The following THSD7B variants were observed in gnomAD, a reference collection of about 807,000 sequenced individuals.
THSD7B encodes thrombospondin type 1 domain containing 7B, also known as thrombospondin type-1 domain-containing protein 7B.
In THSD7B, 138 loss-of-function variants were observed where a neutral mutation model predicts 213.6. That is an observed-to-expected ratio of 0.65 (90% confidence interval 0.56 to 0.74). The LOEUF (loss-of-function observed/expected upper bound fraction) is 0.74, where lower values mean the gene tolerates loss of function less well. Among genes scored for constraint, THSD7B ranks in the 30% least tolerant of loss-of-function variants. The pLI, the probability that THSD7B is intolerant of heterozygous loss-of-function variation, is 0.00. For missense variants in THSD7B, 1,931 were observed against 1,991.5 expected, an observed-to-expected ratio of 0.97 and a Z score of 0.58; for synonymous variants, 742 against 687.0, an observed-to-expected ratio of 1.08 and a Z score of -1.25.
Position 137,656,916 on chromosome 2 carries a change from T to C in THSD7B, c.4226T>C (p.Phe1409Ser), listed in dbSNP as rs1183255343. The stretch of plus-strand genomic sequence containing the variant: ...TCAAGGACTTTTATAATTCAGTCTT[T>C]TGAGAACCAAGACAGCTGCCCCCAA... ...SRSRTFIIQS[F>S]ENQDSCPQQV... The change falls in exon 23 of 28, where the codon TTT becomes TCT. Residue 1409 changes from phenylalanine to serine, a missense_variant. By Grantham distance (155) the Phe-to-Ser change is radical (BLOSUM62 -2). Transcript: ENST00000409968. The C allele has an allele frequency of 1.9e-6, 3 of 1,614,002 alleles. No homozygotes were observed. The Admixed American group carries it at 5.0e-5, about 27-fold the overall frequency.
intron 2 of THSD7B, among the ~76,000 whole-genome samples, chr2:136,980,304 G>A (rs1054032842): frequency 1.3e-5 from 2 of 152,152 alleles, no homozygotes; most frequent in East Asian, 1.9e-4. Context: ...GCTTGGCGCT[G>A]GGGGGAATCT....
At chr2:136,997,327 T>A (rs1417456192) in intron 2 of THSD7B, among the ~76,000 whole-genome samples, 5 of 152,194 alleles carry the variant, frequency 3.3e-5, no homozygotes, top group Non-Finnish European at 5.9e-5. Flanking sequence ...TCTTCTAAAA[T>A]TAGAGTGTAA....
At chr2:137,337,348 C>T (rs1684660985) in intron 12 of THSD7B, among the ~76,000 whole-genome samples, 1 of 152,018 alleles carries the variant, frequency 6.6e-6, no homozygotes, top group African/African-American at 2.4e-5. Context: ...GATCACCTCT[C>T]ATTTATTTCA....
intron 3 of THSD7B, among the ~76,000 whole-genome samples, chr2:137,069,679 G>GT (rs1291688476): frequency 6.6e-6 from 1 of 151,680 alleles, no homozygotes; most frequent in Admixed American, 6.6e-5. Context: ...TTGTTCCCTT[G>GT]TTTTTTGTAT....
At chr2:137,568,873 A>T (rs1573714993) in intron 16 of THSD7B, among the ~76,000 whole-genome samples, 2 of 152,296 alleles carry the variant, frequency 1.3e-5, no homozygotes, top group East Asian at 3.9e-4. Context: ...ACCTAGTGAA[A>T]CAGGAATGCT....
chr2:137,069,498 G>A (rs922696830), intron 3 of THSD7B, among the ~76,000 whole-genome samples: 1 of 151,880 alleles, frequency 6.6e-6, no homozygotes, highest in African/African-American at 2.4e-5. Context: ...CGTTTGGTTT[G>A]GGCATCCTTT....
chr2:137,321,478 C>A (rs1684264241), intron 12 of THSD7B, among the ~76,000 whole-genome samples: 1 of 152,034 alleles, frequency 6.6e-6, no homozygotes, highest in South Asian at 2.1e-4. Context: ...TATCTGGTCA[C>A]CTATTCCAGA....
chr2:137,496,545 G>A (rs1009038070), intron 15 of THSD7B, among the ~76,000 whole-genome samples: 2 of 152,120 alleles, frequency 1.3e-5, no homozygotes, highest in African/African-American at 2.4e-5. Flanking sequence ...CTCTCATACA[G>A]CAAGCTCTTT....
At chr2:136,847,361 A>C (rs1007861760) in intron 1 of THSD7B, among the ~76,000 whole-genome samples, 1 of 152,208 alleles carries the variant, frequency 6.6e-6, no homozygotes, top group Non-Finnish European at 1.5e-5. Context: ...TCTGGAAAGC[A>C]GTTCTTAGAA....
At chr2:136,925,462 G>A (rs1046361482) in intron 2 of THSD7B, among the ~76,000 whole-genome samples, 7 of 152,066 alleles carry the variant, frequency 4.6e-5, no homozygotes, top group African/African-American at 1.7e-4. Flanking sequence ...TTGTTAATGT[G>A]GTCTATTACA....
At chr2:136,792,590 G>T (rs1681988673) in intron 1 of THSD7B, among the ~76,000 whole-genome samples, 1 of 152,020 alleles carries the variant, frequency 6.6e-6, no homozygotes, top group Non-Finnish European at 1.5e-5. Context: ...GAATGCTGGG[G>T]AGGCTGTGCT....
intron 12 of THSD7B, among the ~76,000 whole-genome samples, chr2:137,365,188 A>G (rs868019498): frequency 6.6e-6 from 1 of 152,240 alleles, no homozygotes; most frequent in South Asian, 2.1e-4. Flanking sequence ...GGCTAGCCAT[A>G]TGAAGAAAGC....
At chr2:137,184,671 G>A (rs190439117) in intron 7 of THSD7B, among the ~76,000 whole-genome samples, 14 of 152,124 alleles carry the variant, frequency 9.2e-5, no homozygotes, top group African/African-American at 3.4e-4. Flanking sequence ...TATGTCATAT[G>A]TCTAAGTCTA....
rs201608023 is a variant in THSD7B at position 137,075,059 on chromosome 2, G to A, written c.950+17829G>A. ...CAACTTTGGTGAATCTGACAATTAT[G>A]TGTCTTGGAGTTGCTCTTCTCAAGG... On this transcript the variant is annotated intron_variant, in intron 3 of 27. Coordinates refer to ENST00000409968, the MANE Select transcript of THSD7B (RefSeq NM_001316349.2). 1.2e-3 allele frequency among the ~76,000 whole-genome samples: 188 copies of A among 152,204 alleles called. 1 individual carries two copies. Among genetic ancestry groups the A allele is most frequent in the South Asian group, 3.5e-3 (17 of 4,824 alleles).
At chr2:137,090,448 T>C (rs1687929729) in intron 3 of THSD7B, among the ~76,000 whole-genome samples, 1 of 152,202 alleles carries the variant, frequency 6.6e-6, no homozygotes, top group Non-Finnish European at 1.5e-5. Context: ...TGCTAATGAA[T>C]TGGAGGTAGT....
At chr2:137,318,509 G>A (rs1275951546) in intron 12 of THSD7B, among the ~76,000 whole-genome samples, 1 of 152,012 alleles carries the variant, frequency 6.6e-6, no homozygotes, top group African/African-American at 2.4e-5. Flanking sequence ...AAAAACAGAG[G>A]TAATACCCTC....
chr2:137,609,864 G>A (rs1682255791), intron 17 of THSD7B, among the ~76,000 whole-genome samples: 1 of 152,138 alleles, frequency 6.6e-6, no homozygotes, highest in African/African-American at 2.4e-5. Flanking sequence ...CAGGATAGGA[G>A]TGGCACAAAT....
intron 1 of THSD7B, among the ~76,000 whole-genome samples, chr2:136,782,690 A>G (rs963391617): frequency 6.6e-6 from 1 of 152,194 alleles, no homozygotes; most frequent in African/African-American, 2.4e-5. Flanking sequence ...CAAGTGATCT[A>G]TTATACAGCA....
intron 27 of THSD7B, among the ~76,000 whole-genome samples, chr2:137,673,953 G>T (rs1683639106): frequency 6.6e-6 from 1 of 152,174 alleles, no homozygotes; most frequent in Non-Finnish European, 1.5e-5. Flanking sequence ...GGCCCACAAA[G>T]GTCCAAGGCC....
Sources: gnomAD v4.1 joint callset for allele counts (sites outside exome capture counted in the v4.1 genomes callset) on GRCh38, gnomAD v4.1.1 for gene constraint, MANE v1.5 for transcripts, NCBI Gene and HGNC (gene_info 2026-07-23, HGNC 2026-07-21) for gene names.